IMMP2L: variants seen among roughly 807,000 people sequenced by gnomAD.
The protein encoded by IMMP2L is mitochondrial inner membrane protease subunit 2.
Under a neutral mutation model 19.3 loss-of-function variants are expected in IMMP2L, and 18 were observed. The observed-to-expected ratio is 0.93, with a 90% CI of 0.64 to 1.38. IMMP2L has a LOEUF of 1.38. IMMP2L is among the 40% of genes most tolerant of loss of function. The probability of loss-of-function intolerance (pLI) is 0.00; values close to 1 mark genes in which losing one functional copy is unlikely to be tolerated. For synonymous variants in IMMP2L, 76 were observed against 73.0 expected, an observed-to-expected ratio of 1.04 and a Z score of -0.21; for missense variants, 233 against 218.2, an observed-to-expected ratio of 1.07 and a Z score of -0.43.
rs139971732 is a variant in IMMP2L at position 110,744,297 on chromosome 7, G to T, written c.409-80576C>A. Among the ~76,000 whole-genome samples, 1,107 of 152,294 alleles carry T rather than the reference G, an allele frequency of 7.3e-3. 6 individuals are homozygous for T. The highest frequency in any genetic ancestry group is 0.012 in the Non-Finnish European group (802 of 68,020). On this transcript the variant is annotated intron_variant, in intron 5 of 5. Coordinates refer to ENST00000405709, the MANE Select transcript of IMMP2L (RefSeq NM_032549.4). ...ACCTCCCTGGGACAGAGCACCTGGG[G>T]AAAGTGGTGGTTGTAGGCGCAGCTT...
intron 5 of IMMP2L, among the ~76,000 whole-genome samples, chr7:110,831,345 T>C (rs1361884719): frequency 1.3e-5 from 2 of 152,298 alleles, no homozygotes; most frequent in East Asian, 3.9e-4. Context: ...CCTAGAAACA[T>C]TCAGGTTCCT....
chr7:110,692,589 T>C (rs1181070514), intron 5 of IMMP2L, among the ~76,000 whole-genome samples: 1 of 152,206 alleles, frequency 6.6e-6, no homozygotes, highest in Non-Finnish European at 1.5e-5. Flanking sequence ...CAGTTGCATT[T>C]GATTTCACTG....
intron 5 of IMMP2L, among the ~76,000 whole-genome samples, chr7:110,756,170 T>G (rs1306781521): frequency 6.6e-6 from 1 of 152,022 alleles, no homozygotes; most frequent in African/African-American, 2.4e-5. Context: ...AGAAGGAAGA[T>G]GCAGACATGA....
intron 3 of IMMP2L, among the ~76,000 whole-genome samples, chr7:111,288,770 A>G (rs547232406): frequency 1.2e-4 from 19 of 152,280 alleles, no homozygotes; most frequent in Admixed American, 3.3e-4. Flanking sequence ...AGGAAACAAC[A>G]GATGCTGGAG....
In IMMP2L at chr7:111,276,407, C is replaced by G. The variant is rs144887830; in HGVS notation, c.239+210831G>C. On this transcript the variant is annotated intron_variant, in intron 3 of 5. Coordinates refer to ENST00000405709, the MANE Select transcript of IMMP2L (RefSeq NM_032549.4). Reference sequence around the variant, plus strand: ...ATCAGAGATTTTGGTCTGCAGTTTTCTTTTATTGTTGTCTCCTTATCTGGC... The same window carrying G: ...ATCAGAGATTTTGGTCTGCAGTTTTGTTTTATTGTTGTCTCCTTATCTGGC... Among the ~76,000 whole-genome samples the G allele has an allele frequency of 5.7e-4, 87 of 152,068 alleles. No homozygotes were observed. In the East Asian group the frequency reaches 0.016, roughly 28 times the overall value.
At chr7:111,541,402 C>A (rs1174163619) in intron 1 of IMMP2L, among the ~76,000 whole-genome samples, 2 of 152,154 alleles carry the variant, frequency 1.3e-5, no homozygotes, top group African/African-American at 4.8e-5. Context: ...AAAAGACACT[C>A]ATTTAGGGAA....
chr7:111,249,425 C>G (rs1191275156), intron 3 of IMMP2L, among the ~76,000 whole-genome samples: 3 of 147,920 alleles, frequency 2.0e-5, no homozygotes, highest in Non-Finnish European at 4.5e-5. Flanking sequence ...CTGTCTGGCA[C>G]TCCCTAGTGA....
intron 3 of IMMP2L, among the ~76,000 whole-genome samples, chr7:111,151,072 T>G (rs1431371874): frequency 6.6e-6 from 1 of 152,202 alleles, no homozygotes; most frequent in Non-Finnish European, 1.5e-5. Flanking sequence ...GTGACTCCTG[T>G]GTAACAGTGA....
intron 4 of IMMP2L, among the ~76,000 whole-genome samples, chr7:110,948,108 G>C (rs546296029): frequency 6.6e-6 from 1 of 152,232 alleles, no homozygotes; most frequent in East Asian, 1.9e-4. Context: ...TTCAAAATCT[G>C]ATTAGTTCTG....
chr7:110,845,837 ACGAG>A (rs1805602056), intron 5 of IMMP2L, among the ~76,000 whole-genome samples: 1 of 152,142 alleles, frequency 6.6e-6, no homozygotes, highest in African/African-American at 2.4e-5. Flanking sequence ...GCCCTCATGA[ACGAG>A]ACTAGTGCCC....
At chr7:110,919,894 A>G (rs1260815059) in intron 4 of IMMP2L, among the ~76,000 whole-genome samples, 2 of 152,152 alleles carry the variant, frequency 1.3e-5, no homozygotes, top group African/African-American at 4.8e-5. Context: ...CTGGCTGGGT[A>G]CTACGTAAAT....
chr7:110,989,746 A>G (rs973160957), intron 3 of IMMP2L, among the ~76,000 whole-genome samples: 13 of 151,608 alleles, frequency 8.6e-5, no homozygotes, highest in Non-Finnish European at 1.5e-4. Context: ...TAAAAACAAA[A>G]TTAAAAATAT....
intron 3 of IMMP2L, among the ~76,000 whole-genome samples, chr7:111,142,339 A>AG (rs1562846986): frequency 9.0e-3 from 106 of 11,806 alleles, no homozygotes; most frequent in Admixed American, 0.014. Context: ...AAAAAAAAAA[A>AG]AAAAGAAAGA....
At chr7:111,158,534 C>T (rs2129605650) in intron 3 of IMMP2L, among the ~76,000 whole-genome samples, 1 of 152,178 alleles carries the variant, frequency 6.6e-6, no homozygotes, top group East Asian at 1.9e-4. Flanking sequence ...TTATAAGATG[C>T]AAATTTAACT....
chr7:110,870,033 C>G lies in IMMP2L; in HGVS notation c.408+16560G>C, dbSNP rs901894710. 6.6e-6 allele frequency among the ~76,000 whole-genome samples: 1 copy of G among 152,148 alleles called. No individual in the cohort carries two copies. On this transcript the variant is annotated intron_variant, in intron 5 of 5. Coordinates refer to ENST00000405709, the MANE Select transcript of IMMP2L (RefSeq NM_032549.4). The surrounding 1 kb of genome is among the most constrained non-coding windows in gnomAD (Gnocchi z 4.2). ...ATATTTCTACCATTCTACCCCTCCT[C>G]CTAGTTTCAGCCAGCCTGTTCAGCT...
chr7:111,254,033 C>A (rs997386923), intron 3 of IMMP2L, among the ~76,000 whole-genome samples: 1 of 152,098 alleles, frequency 6.6e-6, no homozygotes, highest in Admixed American at 6.6e-5. Context: ...TAGTGCAAGG[C>A]CATTTAAAAC....
intron 3 of IMMP2L, among the ~76,000 whole-genome samples, chr7:111,466,541 G>C (rs1313941852): frequency 6.6e-6 from 1 of 152,044 alleles, no homozygotes; most frequent in Non-Finnish European, 1.5e-5. Flanking sequence ...TAACTATAAT[G>C]AACAAAAAGT....
chr7:111,133,832 C>T (rs1185546919), intron 3 of IMMP2L, among the ~76,000 whole-genome samples: 3 of 152,022 alleles, frequency 2.0e-5, no homozygotes, highest in African/African-American at 7.2e-5. Flanking sequence ...CACACATACT[C>T]AAAAGCCTCA....
chr7:111,403,202 G>A (rs532421579), intron 3 of IMMP2L, among the ~76,000 whole-genome samples: 2 of 151,944 alleles, frequency 1.3e-5, no homozygotes, highest in African/African-American at 2.4e-5. Context: ...TGCTATTCTC[G>A]TGATAGTGAG....
Sources: gnomAD v4.1 joint callset for allele counts (sites outside exome capture counted in the v4.1 genomes callset) on GRCh38, gnomAD v4.1.1 for gene constraint, Gnocchi (gnomAD v3.1) non-coding constraint, MANE v1.5 for transcripts, NCBI Gene and HGNC (gene_info 2026-07-23, HGNC 2026-07-21) for gene names.